DENND1A: variants seen among roughly 807,000 people sequenced by gnomAD.
The protein encoded by DENND1A is DENN domain containing 1A.
A neutral mutation model predicts 113.7 loss-of-function variants in DENND1A; 51 were observed. That is an observed-to-expected ratio of 0.45 (90% CI 0.36 to 0.57). The LOEUF (loss-of-function observed/expected upper bound fraction) is 0.57. Among genes scored for constraint, DENND1A ranks in the 20% least tolerant of loss-of-function variants. DENND1A has a pLI of 0.00. For missense variants in DENND1A, 1,258 were observed against 1,395.9 expected (o/e 0.90, Z 1.57); for synonymous variants, 565 against 570.8 (o/e 0.99, Z 0.14).
At chr9:123,596,192 C>T (rs1043551223) in intron 11 of DENND1A, among the ~76,000 whole-genome samples, 11 of 152,188 alleles carry the variant, frequency 7.2e-5, no homozygotes, top group African/African-American at 2.7e-4. Flanking sequence ...CTCCTATCCC[C>T]GCCTCAGGTT....
chr9:123,564,036 G>T (rs932118756), intron 12 of DENND1A, among the ~76,000 whole-genome samples: 1 of 152,156 alleles, frequency 6.6e-6, no homozygotes, highest in African/African-American at 2.4e-5. Context: ...GAACTGCAGA[G>T]GAGGGAGGGC....
intron 5 of DENND1A, among the ~76,000 whole-genome samples, chr9:123,723,858 G>A (rs1014549993): frequency 6.6e-6 from 1 of 152,084 alleles, no homozygotes; most frequent in African/African-American, 2.4e-5. Context: ...ATCACATCAA[G>A]GTTTTTAGTC....
intron 9 of DENND1A, among the ~76,000 whole-genome samples, chr9:123,646,845 C>A (rs909642553): frequency 6.6e-6 from 1 of 152,048 alleles, no homozygotes; most frequent in Non-Finnish European, 1.5e-5. Flanking sequence ...GAGTGACTGG[C>A]CTCAGAGAGG....
At position 123,457,819 on chromosome 9, in the gene DENND1A, C is replaced by T. The variant is rs377192736; in HGVS notation, c.1072G>A (p.Ala358Thr). The change falls in exon 14 of 24, where the codon GCC (alanine) becomes ACC (threonine). Residue 358 changes from alanine to threonine, a missense_variant. Transcript: ENST00000394215. ...TGCTTGAAGAGCTGCAGCTGTGTGG[C>T]GTTCTGCAGGAACTGCCTCATGGCT... ...SGAMRQFLQN[A>T]TQLQLFKQFI... is the part of the protein sequence containing the mutation. The T allele has an allele frequency of 2.4e-5, 39 of 1,611,722 alleles. No individual in the cohort carries two copies. The highest frequency in any genetic ancestry group is 3.0e-5 in the Non-Finnish European group (35 of 1,179,106).
chr9:123,654,495 T>C (rs544743001), intron 8 of DENND1A, among the ~76,000 whole-genome samples: 1 of 151,874 alleles, frequency 6.6e-6, no homozygotes, highest in African/African-American at 2.4e-5. Context: ...CTTATTTTGG[T>C]GGGAGAAAAA....
chr9:123,804,322 T>C (rs1009536157), intron 2 of DENND1A, among the ~76,000 whole-genome samples: 4 of 152,218 alleles, frequency 2.6e-5, no homozygotes, highest in Admixed American at 2.6e-4. Context: ...CTCTTTCTTT[T>C]ATAAATTGCC....
intron 1 of DENND1A, among the ~76,000 whole-genome samples, chr9:123,889,125 C>T (rs550191104): frequency 6.6e-6 from 1 of 152,194 alleles, no homozygotes; most frequent in Non-Finnish European, 1.5e-5. Context: ...TTTACCAAGA[C>T]TTTCTCACAG....
intron 5 of DENND1A, among the ~76,000 whole-genome samples, chr9:123,741,486 G>T (rs374889065): frequency 1.3e-5 from 2 of 152,278 alleles, no homozygotes; most frequent in South Asian, 4.1e-4. Flanking sequence ...TTCAGACAAT[G>T]TAGTCTTTTG....
intron 20 of DENND1A, among the ~76,000 whole-genome samples, chr9:123,407,046 C>CA (rs1340118947): frequency 9.9e-5 from 15 of 151,982 alleles, no homozygotes; most frequent in Admixed American, 6.6e-4. Context: ...GCTGAGCTGT[C>CA]AGAGTGCCGC....
intron 13 of DENND1A, among the ~76,000 whole-genome samples, chr9:123,518,372 A>C (rs1163305029): frequency 2.6e-5 from 4 of 152,176 alleles, no homozygotes; most frequent in Admixed American, 2.6e-4. Context: ...GCTGTACACA[A>C]CTAAGATATT....
intron 21 of DENND1A, 127 bp downstream of exon 21, chr9:123,403,275 G>T: frequency 1.1e-6 from 1 of 905,314 alleles, no homozygotes; most frequent in Non-Finnish European, 1.7e-6. Flanking sequence ...TGACCCCTTT[G>T]TGAAACACCC....
chr9:123,617,022 G>A (rs1452052225), intron 10 of DENND1A, among the ~76,000 whole-genome samples: 1 of 152,230 alleles, frequency 6.6e-6, no homozygotes, highest in East Asian at 1.9e-4. Context: ...AATCTTGAAA[G>A]GTGGGTCCCC....
Position 123,757,768 on chromosome 9 carries a change from G to T in DENND1A, c.237C>A (p.Asp79Glu). The T allele has an allele frequency of 6.2e-7, 1 of 1,614,076 alleles. No individual in the cohort carries two copies. Among genetic ancestry groups the T allele is most frequent in the South Asian group, 1.1e-5 (1 of 91,086 alleles). ...QNFTFVLTDI[D>E]SKQRFGFCRL... The stretch of plus-strand genomic sequence containing the variant: ...GGCAGAACCCGAATCTCTGTTTGCT[G>T]TCAATGTCAGTGAGCACGAATGTGA... The change falls in exon 5 of 24, where the codon GAC becomes GAA. Residue 79 changes from aspartate to glutamate, a missense_variant. Physicochemically the swap from Asp to Glu is conservative, Grantham distance 45. This residue lies in a region of DENND1A where 99 missense variants were observed against 164.2 expected (regional missense o/e 0.60). Coordinates refer to ENST00000394215, the MANE Select transcript of DENND1A (RefSeq NM_001352964.2).
chr9:123,707,843 A>G (rs1056683651), intron 5 of DENND1A, among the ~76,000 whole-genome samples: 9 of 152,196 alleles, frequency 5.9e-5, no homozygotes, highest in Non-Finnish European at 1.0e-4. Context: ...ATCCACTAAG[A>G]TAGGAGAAAT....
chr9:123,630,490 A>G lies in DENND1A; in HGVS notation c.619-14T>C, dbSNP rs377207619. 107 of 1,538,384 alleles carry G rather than the reference A, an allele frequency of 7.0e-5. No individual in the cohort carries two copies. The highest frequency in any genetic ancestry group is 8.9e-5 in the Non-Finnish European group (101 of 1,137,724). ...GCAGGCAGTCAGCTGGAACAGAGCA[A>G]AGCAGAGATCAATGAACAAATCCAA... is the stretch of plus-strand genomic sequence containing the variant. On this transcript the variant is annotated splice_polypyrimidine_tract_variant and intron_variant, in intron 9 of 23. Coordinates refer to ENST00000394215, the MANE Select transcript of DENND1A (RefSeq NM_001352964.2).
chr9:123,510,457 AAGC>A (rs2032615928), intron 13 of DENND1A, among the ~76,000 whole-genome samples: 1 of 152,226 alleles, frequency 6.6e-6, no homozygotes, highest in Non-Finnish European at 1.5e-5. Context: ...TTTCCATTTT[AAGC>A]AGCATGTATG....
chr9:123,912,318 A>C (rs896336765), intron 1 of DENND1A, among the ~76,000 whole-genome samples: 1 of 152,196 alleles, frequency 6.6e-6, no homozygotes, highest in Non-Finnish European at 1.5e-5. Context: ...TCAGGACCCA[A>C]GGAGTGAGCA....
intron 1 of DENND1A, chr9:123,928,462 G>T: frequency 1.3e-6 from 1 of 748,522 alleles, no homozygotes; most frequent in Non-Finnish European, 1.6e-6. Flanking sequence ...TAATCCCAAT[G>T]TTTCACAAAC....
In DENND1A at chr9:123,450,725, T is replaced by C. The variant is rs1383759499; in HGVS notation, c.1324A>G (p.Ile442Val). 3.1e-6 allele frequency: 5 copies of C among 1,611,170 alleles called. No individual in the cohort carries two copies. The highest frequency in any genetic ancestry group is 1.7e-5 in the Admixed American group (1 of 59,310). Residue 442 changes from isoleucine (I) to valine (V), a missense_variant, in exon 18 of 24, where the codon ATA becomes GTA. By Grantham distance (29) the Ile-to-Val change is conservative. Coordinates refer to ENST00000394215, the MANE Select transcript of DENND1A (RefSeq NM_001352964.2). Reference protein sequence around the residue: ...KFAKDHAKMGIKEVKNRLKQK... With the variant: ...KFAKDHAKMGVKEVKNRLKQK... ...TTCAAGCGGTTTTTCACCTCTTTTA[T>C]TCCCATTTTTGCATGATCTTTTGCC...
Sources: allele counts gnomAD v4.1 joint callset (sites outside exome capture counted in the v4.1 genomes callset), GRCh38; gene constraint gnomAD v4.1.1; regional missense constraint gnomAD v4.1.1; transcripts MANE v1.5; gene names NCBI Gene and HGNC (gene_info 2026-07-23, HGNC 2026-07-21).